The following PDE4D variants were observed in gnomAD, a reference collection of about 807,000 sequenced individuals.
The protein encoded by PDE4D is phosphodiesterase 4D.
Under a neutral mutation model 87.4 loss-of-function variants are expected in PDE4D, and 24 were observed. The observed-to-expected ratio is 0.27, with a 90% CI of 0.20 to 0.39. The LOEUF (loss-of-function observed/expected upper bound fraction) is 0.39. Among genes scored for constraint, PDE4D ranks in the 10% least tolerant of loss-of-function variants. The probability of loss-of-function intolerance (pLI) is 1.00; values close to 1 mark genes in which losing one functional copy is unlikely to be tolerated. For synonymous variants in PDE4D, 384 were observed against 383.2 expected (o/e 1.00, Z -0.02); for missense variants, 714 against 1,041.0 (o/e 0.69, Z 4.32).
At position 59,190,540 on chromosome 5, in the gene PDE4D, A is replaced by G. The variant is rs543188646; in HGVS notation, c.684+2960T>C. Reference sequence around the variant, plus strand: ...CCATTGTTTTCTGTCCTTTGGTGAAAGCAATTATGGTATATCAGGACAAAT... The same window carrying G: ...CCATTGTTTTCTGTCCTTTGGTGAAGGCAATTATGGTATATCAGGACAAAT... On this transcript the variant is annotated intron_variant, in intron 3 of 14. Coordinates refer to ENST00000340635, the MANE Select transcript of PDE4D (RefSeq NM_001104631.2). 2.0e-5 allele frequency among the ~76,000 whole-genome samples: 3 copies of G among 152,288 alleles called. No individual in the cohort carries two copies. In the South Asian group the frequency reaches 6.2e-4, roughly 32 times the overall value.
At chr5:60,245,353 C>A (rs571537803) in intron 1 of PDE4D, among the ~76,000 whole-genome samples, 74 of 151,988 alleles carry the variant, frequency 4.9e-4, no homozygotes, top group Non-Finnish European at 8.8e-4. Flanking sequence ...ATTAGTACAA[C>A]CACTGTGGAG....
chr5:58,981,404 A>G (rs560639679), intron 11 of PDE4D, among the ~76,000 whole-genome samples: 9 of 152,120 alleles, frequency 5.9e-5, no homozygotes, highest in Non-Finnish European at 1.2e-4. Flanking sequence ...CTGATAGCCT[A>G]TAACTTAAAT....
At chr5:59,781,099 G>T (rs1764572192) in intron 1 of PDE4D, among the ~76,000 whole-genome samples, 1 of 146,460 alleles carries the variant, frequency 6.8e-6, no homozygotes, top group Non-Finnish European at 1.5e-5. Flanking sequence ...CTGGGAGGCA[G>T]AGGTTATGGT....
chr5:60,325,611 T>C (rs1002996287), intron 1 of PDE4D, among the ~76,000 whole-genome samples: 1 of 152,154 alleles, frequency 6.6e-6, no homozygotes, highest in Non-Finnish European at 1.5e-5. Flanking sequence ...TATTTTTTAT[T>C]TTTTTATTTT....
intron 3 of PDE4D, among the ~76,000 whole-genome samples, chr5:59,191,731 G>C (rs1744365350): frequency 6.6e-6 from 1 of 151,964 alleles, no homozygotes; most frequent in Non-Finnish European, 1.5e-5. Flanking sequence ...ACCATGCCTG[G>C]CTAATTTTTT....
At position 59,981,334 on chromosome 5, in the gene PDE4D, A is replaced by G. The variant is rs1363469023; in HGVS notation, c.272+7154T>C. 2.0e-5 allele frequency among the ~76,000 whole-genome samples: 3 copies of G among 152,206 alleles called. No individual in the cohort carries two copies. The East Asian group carries it at 5.8e-4, about 29-fold the overall frequency. On this transcript the variant is annotated intron_variant, in intron 3 of 16. Coordinates refer to the PDE4D transcript ENST00000502484. ...CAAAGACAGATAAGATTAAATCAGA[A>G]CAATGCTTTAAAATAAAAGGCTTGT...
At chr5:60,358,338 T>A (rs780971181) in intron 1 of PDE4D, among the ~76,000 whole-genome samples, 5 of 152,336 alleles carry the variant, frequency 3.3e-5, no homozygotes, top group Middle Eastern at 3.4e-3. Flanking sequence ...TGGTTTTTCT[T>A]CATCCTTTTG....
intron 3 of PDE4D, among the ~76,000 whole-genome samples, chr5:59,920,133 G>A (rs1754509088): frequency 6.6e-6 from 1 of 152,144 alleles, no homozygotes; most frequent in Non-Finnish European, 1.5e-5. Flanking sequence ...GGGCATTGAT[G>A]AGGCTCATGA....
At chr5:59,976,498 C>A (rs535801325) in intron 3 of PDE4D, among the ~76,000 whole-genome samples, 1 of 152,148 alleles carries the variant, frequency 6.6e-6, no homozygotes, top group Admixed American at 6.6e-5. Flanking sequence ...GACAAAGCTG[C>A]TCCCCCTTCA....
At chr5:59,109,618 G>A (rs1484223425) in intron 5 of PDE4D, among the ~76,000 whole-genome samples, 1 of 152,150 alleles carries the variant, frequency 6.6e-6, no homozygotes, top group Non-Finnish European at 1.5e-5. Flanking sequence ...AGGGGCTGGT[G>A]CATGCTGTAG....
intron 1 of PDE4D, among the ~76,000 whole-genome samples, chr5:59,877,963 T>C (rs1483715931): frequency 6.6e-6 from 1 of 152,080 alleles, no homozygotes; most frequent in Non-Finnish European, 1.5e-5. Context: ...CATCAGTGTT[T>C]GAAGAATTTC....
intron 1 of PDE4D, among the ~76,000 whole-genome samples, chr5:60,196,301 T>C (rs1741210989): frequency 6.6e-6 from 1 of 151,628 alleles, no homozygotes; most frequent in Non-Finnish European, 1.5e-5. Context: ...CCACCTAAAA[T>C]AATTTCAGCT....
At chr5:60,047,065 G>T (rs1769366102) in intron 2 of PDE4D, among the ~76,000 whole-genome samples, 1 of 152,182 alleles carries the variant, frequency 6.6e-6, no homozygotes, top group African/African-American at 2.4e-5. Flanking sequence ...GGTCTATTCA[G>T]AGATTCAACT....
intron 1 of PDE4D, among the ~76,000 whole-genome samples, chr5:60,249,073 A>C (rs1726473177): frequency 6.6e-6 from 1 of 152,032 alleles, no homozygotes; most frequent in South Asian, 2.1e-4. Flanking sequence ...GCCCACTGCC[A>C]TGCAAAGTGG....
intron 5 of PDE4D, among the ~76,000 whole-genome samples, chr5:59,179,468 T>C (rs1180589410): frequency 6.6e-6 from 1 of 152,300 alleles, no homozygotes; most frequent in African/African-American, 2.4e-5. Context: ...TATAAAATGA[T>C]AATTGGAAGT....
chr5:59,940,852 C>G (rs553315672), intron 3 of PDE4D, among the ~76,000 whole-genome samples: 1 of 152,254 alleles, frequency 6.6e-6, no homozygotes, highest in East Asian at 1.9e-4. Context: ...GAGGACATGA[C>G]ACATTGCACA....
intron 5 of PDE4D, among the ~76,000 whole-genome samples, chr5:59,124,948 CTCTTGCTT>C (rs1775145537): frequency 6.6e-6 from 1 of 151,484 alleles, no homozygotes; most frequent in South Asian, 2.1e-4. Context: ...CATTTAAGAT[CTCTTGCTT>C]TCTGGGTACA....
chr5:58,999,475 T>G, intron 6 of PDE4D: 1 of 1,434,962 alleles, frequency 7.0e-7, no homozygotes, highest in East Asian at 2.3e-5. Flanking sequence ...TTTCAAAAGC[T>G]AAGTAAGTCT....
intron 2 of PDE4D, among the ~76,000 whole-genome samples, chr5:59,199,542 C>T (rs1746256735): frequency 6.6e-6 from 1 of 151,888 alleles, no homozygotes; most frequent in South Asian, 2.1e-4. Context: ...TTTTAAAGTC[C>T]AAGATTTTGA....
Sources: gnomAD v4.1 joint callset for allele counts (sites outside exome capture counted in the v4.1 genomes callset) on GRCh38, gnomAD v4.1.1 for gene constraint, MANE v1.5 for transcripts, NCBI Gene and HGNC (gene_info 2026-07-23, HGNC 2026-07-21) for gene names.